The following SIPA1L2 variants were observed in gnomAD, a reference collection of about 807,000 sequenced individuals.
The protein encoded by SIPA1L2 is signal induced proliferation associated 1 like 2, also known as signal-induced proliferation-associated 1-like protein 2.
In SIPA1L2, 56 loss-of-function variants were observed where a neutral mutation model predicts 163.9. The observed-to-expected ratio is 0.34, with a 90% CI of 0.28 to 0.43. SIPA1L2 has a LOEUF of 0.43. Ranked by LOEUF, SIPA1L2 falls within the 20% of genes least tolerant of loss-of-function variation. The probability of loss-of-function intolerance (pLI) is 1.00; values close to 1 mark genes in which losing one functional copy is unlikely to be tolerated. For missense variants in SIPA1L2, 1,974 were observed against 2,193.5 expected (o/e 0.90, Z 2.00); for synonymous variants, 877 against 865.7 (o/e 1.01, Z -0.23).
chr1:232,502,707 C>T (rs931881213), intron 3 of SIPA1L2, among the ~76,000 whole-genome samples: 2 of 152,206 alleles, frequency 1.3e-5, no homozygotes, highest in African/African-American at 4.8e-5. Context: ...ATCACACCTG[C>T]AGACTCACAG....
chr1:232,580,381 A>G (rs116391928), intron 1 of SIPA1L2, among the ~76,000 whole-genome samples: 6 of 152,286 alleles, frequency 3.9e-5, no homozygotes, highest in Non-Finnish European at 8.8e-5. Flanking sequence ...TTTGTGACCT[A>G]TATCTTGCGC....
At chr1:232,586,563 A>G (rs1660665020) in intron 1 of SIPA1L2, among the ~76,000 whole-genome samples, 1 of 152,210 alleles carries the variant, frequency 6.6e-6, no homozygotes. Flanking sequence ...ATGGGTCAAA[A>G]TATCAACTCA....
chr1:232,450,646 C>A (rs1663517929), intron 10 of SIPA1L2, among the ~76,000 whole-genome samples: 1 of 152,092 alleles, frequency 6.6e-6, no homozygotes, highest in Non-Finnish European at 1.5e-5. Flanking sequence ...TCTTGTGAAC[C>A]CAAAGACATC....
chr1:232,439,473 A>T lies in SIPA1L2; in HGVS notation c.3666T>A (p.Ser1222Arg), dbSNP rs200681906. 139 of 1,613,062 alleles carry T rather than the reference A, an allele frequency of 8.6e-5. 1 individual carries two copies. Among genetic ancestry groups the T allele is most frequent in the Middle Eastern group, 1.7e-4 (1 of 6,042 alleles). ...LSHIGDKSCSSHSSSNTLSSN... is the reference protein window; with the variant it reads ...LSHIGDKSCSRHSSSNTLSSN... ...TGGAGAGCGTGTTGCTGCTGGAGTG[A>T]CTGGAGCAACTTTTATCCCCAATCT... is the stretch of plus-strand genomic sequence containing the variant. The change falls in exon 15 of 23, where the codon AGT becomes AGA. Residue 1222 changes from serine to arginine, a missense_variant. By Grantham distance (110) the Ser-to-Arg change is moderately radical. Coordinates refer to ENST00000674635, the MANE Select transcript of SIPA1L2 (RefSeq NM_020808.5).
chr1:232,461,997 G>A (rs1309089369), intron 9 of SIPA1L2, among the ~76,000 whole-genome samples: 2 of 152,178 alleles, frequency 1.3e-5, no homozygotes, highest in Non-Finnish European at 2.9e-5. Context: ...CTTATGGGCT[G>A]CCTCTCCTCC....
chr1:232,588,660 C>T (rs753699362), intron 1 of SIPA1L2, among the ~76,000 whole-genome samples: 4 of 152,182 alleles, frequency 2.6e-5, no homozygotes, highest in Non-Finnish European at 5.9e-5. Flanking sequence ...TTCAAGCACT[C>T]CCTTTTCCAA....
chr1:232,618,021 C>T (rs1047688429), intron 1 of SIPA1L2, among the ~76,000 whole-genome samples: 26 of 152,170 alleles, frequency 1.7e-4, no homozygotes, highest in African/African-American at 5.6e-4. Flanking sequence ...GACCTAACAA[C>T]TGTGGGATCC....
chr1:232,591,713 C>T (rs539932973), intron 1 of SIPA1L2, among the ~76,000 whole-genome samples: 36 of 152,266 alleles, frequency 2.4e-4, no homozygotes, highest in African/African-American at 8.4e-4. Flanking sequence ...CAAAAAGATG[C>T]GGTACCTTAT....
rs150230353 is a variant in SIPA1L2 at position 232,437,001 on chromosome 1, C to T, written c.4031+2107G>A. Among the ~76,000 whole-genome samples the T allele has an allele frequency of 3.5e-3, 530 of 152,150 alleles. 8 individuals are homozygous for T. Among genetic ancestry groups the T allele is most frequent in the African/African-American group, 0.012 (514 of 41,536 alleles). Reference sequence around the variant, plus strand: ...CTGGGCCACATCCAATTTAGAGTGGCGGAAGAAAGTAAAATCAATCAGAAA... The same window carrying T: ...CTGGGCCACATCCAATTTAGAGTGGTGGAAGAAAGTAAAATCAATCAGAAA... On this transcript the variant is annotated intron_variant, in intron 15 of 22. Coordinates refer to ENST00000674635, the MANE Select transcript of SIPA1L2 (RefSeq NM_020808.5).
At chr1:232,626,032 C>T (rs535264472) in intron 1 of SIPA1L2, among the ~76,000 whole-genome samples, 1 of 152,280 alleles carries the variant, frequency 6.6e-6, no homozygotes, top group South Asian at 2.1e-4. Flanking sequence ...CACAGCTCCT[C>T]TCTGGATAGG....
Position 232,430,571 on chromosome 1 carries a change from T to C in SIPA1L2, c.4256+1676A>G, listed in dbSNP as rs537509127. Among the ~76,000 whole-genome samples the C allele has an allele frequency of 1.2e-4, 19 of 152,282 alleles. No individual in the cohort carries two copies. In the South Asian group the frequency reaches 3.9e-3, roughly 32 times the overall value. On this transcript the variant is annotated intron_variant, in intron 16 of 22. Coordinates refer to ENST00000674635, the MANE Select transcript of SIPA1L2 (RefSeq NM_020808.5). ...CTTTCAGCAATCCGGTAAAACACTG[T>C]TTTGATAAAACTTCAAATCTAGTTA... is the stretch of plus-strand genomic sequence containing the variant.
At chr1:232,441,148 A>T (rs998357506) in intron 14 of SIPA1L2, 143 bp downstream of exon 14, 2 of 614,226 alleles carry the variant, frequency 3.3e-6, no homozygotes, top group African/African-American at 3.8e-5. Context: ...TCAGGAAGAT[A>T]GTTTCCTTTT....
At chr1:232,609,896 T>A (rs958685616) in intron 1 of SIPA1L2, among the ~76,000 whole-genome samples, 6 of 150,436 alleles carry the variant, frequency 4.0e-5, no homozygotes, top group Non-Finnish European at 5.9e-5. Context: ...CAAATTAAAA[T>A]CTTAAAATAA....
intron 3 of SIPA1L2, among the ~76,000 whole-genome samples, chr1:232,508,835 T>C (rs1666852418): frequency 6.6e-6 from 1 of 152,240 alleles, no homozygotes; most frequent in South Asian, 2.1e-4. Flanking sequence ...CTCACGCCTG[T>C]AATCCCAGCA....
chr1:232,529,739 A>C (rs1667883165), intron 2 of SIPA1L2, among the ~76,000 whole-genome samples: 1 of 152,204 alleles, frequency 6.6e-6, no homozygotes, highest in Admixed American at 6.5e-5. Context: ...AGACATCACA[A>C]TTTCTTTCTC....
chr1:232,542,845 C>T (rs574627344), intron 2 of SIPA1L2, among the ~76,000 whole-genome samples: 6 of 152,272 alleles, frequency 3.9e-5, no homozygotes, highest in South Asian at 2.1e-4. Flanking sequence ...ACATTCCTTT[C>T]GCTCATATAT....
chr1:232,584,380 A>T (rs2102812165), intron 1 of SIPA1L2, among the ~76,000 whole-genome samples: 1 of 152,290 alleles, frequency 6.6e-6, no homozygotes, highest in South Asian at 2.1e-4. Flanking sequence ...GCATGCCACC[A>T]CGCCCAGCGA....
chr1:232,441,687 A>G (rs1437254983), intron 13 of SIPA1L2, 81 bp downstream of exon 13: 14 of 1,195,466 alleles, frequency 1.2e-5, no homozygotes, highest in Non-Finnish European at 1.6e-5. Flanking sequence ...TGAATGAATA[A>G]AATGAAGTGA....
chr1:232,433,659 A>C (rs1662380470), intron 15 of SIPA1L2, among the ~76,000 whole-genome samples: 1 of 152,266 alleles, frequency 6.6e-6, no homozygotes, highest in Non-Finnish European at 1.5e-5. Context: ...GTGGACAGTT[A>C]ACCACCACCA....
Sources: gnomAD v4.1 joint callset for allele counts (sites outside exome capture counted in the v4.1 genomes callset) on GRCh38, gnomAD v4.1.1 for gene constraint, MANE v1.5 for transcripts, NCBI Gene and HGNC (gene_info 2026-07-23, HGNC 2026-07-21) for gene names.